ADGRA2: variants seen among roughly 807,000 people sequenced by gnomAD.
ADGRA2 encodes adhesion G protein-coupled receptor A2.
Under a neutral mutation model 98.7 loss-of-function variants are expected in ADGRA2, and 61 were observed. The ratio of observed to expected loss-of-function variants is 0.62; its 90% CI spans 0.50 to 0.76. The LOEUF (loss-of-function observed/expected upper bound fraction) is 0.76, where lower values mean the gene tolerates loss of function less well. ADGRA2 is among the 30% of genes least tolerant of loss of function. ADGRA2 has a pLI of 0.00. For synonymous variants in ADGRA2, 858 were observed against 831.5 expected, an observed-to-expected ratio of 1.03 and a Z score of -0.55; for missense variants, 1,712 against 1,860.0, an observed-to-expected ratio of 0.92 and a Z score of 1.46.
rs1053120252 is a variant in ADGRA2 at position 37,842,658 on chromosome 8, C to T, written c.*303C>T. On this transcript the variant is annotated 3_prime_UTR_variant, in exon 19 of 19. Transcript: ENST00000412232. ...GGGCACAGCACATCCCAGGTGCACC[C>T]TCCCCAAGTACTCCCACCCCGCCTA... 5.2e-5 allele frequency: 17 copies of T among 326,488 alleles called. No homozygotes were observed. The highest frequency in any genetic ancestry group is 2.1e-4 in the African/African-American group (10 of 46,768). 20.2% of individuals were successfully genotyped at this position (326,488 alleles called of 1,614,324 possible).
chr8:37,842,062 C>T lies in ADGRA2; in HGVS notation c.3724C>T (p.Leu1242=). ...CAGCCGCAACAGCCCGGGCGCCGGCCTGCAGCTGGAAGGCGAGCCCATGCT... is the reference window on the plus strand; with the variant it reads ...CAGCCGCAACAGCCCGGGCGCCGGCTTGCAGCTGGAAGGCGAGCCCATGCT... ...GSSRNSPGAG[L]QLEGEPMLTP... Residue 1242 remains leucine (L), a synonymous_variant, in exon 19 of 19, where the codon CTG becomes TTG. Coordinates refer to ENST00000412232, the MANE Select transcript of ADGRA2 (RefSeq NM_032777.10). 3.3e-6 allele frequency: 5 copies of T among 1,517,678 alleles called. No homozygotes were observed. The highest frequency in any genetic ancestry group is 4.4e-6 in the Non-Finnish European group (5 of 1,140,198). The allele number at this position is 1,517,678 out of a possible 1,614,324, so 94.0% of individuals were successfully genotyped here.
At position 37,841,986 on chromosome 8, in the gene ADGRA2, C is replaced by T. The variant is rs1805815297; in HGVS notation, c.3648C>T (p.Ser1216=). ...GGAAGALELL[S]SESGSLHNSP... is the part of the protein sequence containing the mutation. ...CGGCGGGGGCGCTGGAGCTGCTGTC[C>T]AGCGAGAGCGGCAGTCTGCACAACA... Residue 1216 remains serine, a synonymous_variant, in exon 19 of 19, where the codon TCC becomes TCT. Coordinates refer to ENST00000412232, the MANE Select transcript of ADGRA2 (RefSeq NM_032777.10). The surrounding 1 kb of genome is among the most constrained non-coding windows in gnomAD (Gnocchi z 5.0). 1 of 1,507,970 alleles carries T rather than the reference C, an allele frequency of 6.6e-7. No individual in the cohort carries two copies. The highest frequency in any genetic ancestry group is 8.8e-7 in the Non-Finnish European group (1 of 1,136,294). The allele number at this position is 1,507,970 out of a possible 1,614,324, so 93.4% of individuals were successfully genotyped here. A position where few individuals can be genotyped will look rare whatever the true frequency, so the allele number is the denominator to read the frequency against.
Position 37,837,787 on chromosome 8 carries a change from G to A in ADGRA2, c.2107G>A (p.Ala703Thr), listed in dbSNP as rs774187173. The A allele has an allele frequency of 1.3e-6, 2 of 1,550,264 alleles. No homozygotes were observed. Among genetic ancestry groups the A allele is most frequent in the East Asian group, 2.4e-5 (1 of 41,066 alleles). Residue 703 changes from alanine (A) to threonine (T), a missense_variant, in exon 14 of 19, where the codon GCT becomes ACT. Physicochemically the swap from Ala to Thr is moderately conservative, Grantham distance 58. Coordinates refer to ENST00000412232, the MANE Select transcript of ADGRA2 (RefSeq NM_032777.10). ...AGTGGCCGTTTCGCTGCGGCACTGG[G>A]CTGAGGGAGCCGAACCTGTGGCCGC... is the stretch of plus-strand genomic sequence containing the variant. ...EPVAVSLRHWAEGAEPVAAWW... is the reference protein window; with the variant it reads ...EPVAVSLRHWTEGAEPVAAWW...
At chr8:37,816,591 CAA>C (rs201208443) in intron 2 of ADGRA2, among the ~76,000 whole-genome samples, 8 of 132,060 alleles carry the variant, frequency 6.1e-5, no homozygotes, top group Admixed American at 4.6e-4. Flanking sequence ...GACTCCGTCT[CAA>C]ACACACACAC....
intron 1 of ADGRA2, among the ~76,000 whole-genome samples, chr8:37,805,837 C>G (rs898859973): frequency 6.6e-6 from 1 of 152,120 alleles, no homozygotes; most frequent in Non-Finnish European, 1.5e-5. Flanking sequence ...CCACTGCACT[C>G]TAGCCTGGGC....
At chr8:37,810,138 C>T (rs1282548672) in intron 1 of ADGRA2, among the ~76,000 whole-genome samples, 1 of 151,898 alleles carries the variant, frequency 6.6e-6, no homozygotes, top group Non-Finnish European at 1.5e-5. Flanking sequence ...ATAAAAATAA[C>T]ATTTTGGATA....
At position 37,802,281 on chromosome 8, in the gene ADGRA2, G is replaced by A. The variant is rs1170829079; in HGVS notation, c.266+4747G>A. Among the ~76,000 whole-genome samples, 1 of 152,126 alleles carries A rather than the reference G, an allele frequency of 6.6e-6. No individual in the cohort carries two copies. Among genetic ancestry groups the A allele is most frequent in the Non-Finnish European group, 1.5e-5 (1 of 68,020 alleles). ...CCAAGCGTCGTGCACATGGCCCGAG[G>A]GCAGGACAAGGATGCTGGTGGAGGG... On this transcript the variant is annotated intron_variant, in intron 1 of 18. Coordinates refer to ENST00000412232, the MANE Select transcript of ADGRA2 (RefSeq NM_032777.10). This position sits in a 1 kb window ranked among gnomAD's most constrained non-coding sequence, Gnocchi z 4.7.
In ADGRA2 at chr8:37,842,521, G is replaced by A. The variant is rs535050383; in HGVS notation, c.*166G>A. On this transcript the variant is annotated 3_prime_UTR_variant, in exon 19 of 19. Transcript: ENST00000412232. Reference sequence around the variant, plus strand: ...CCACTTGCCTAGAGGGCATCCCTCTGGGGTAGCGACAGACAATCCCAGAAA... The same window carrying A: ...CCACTTGCCTAGAGGGCATCCCTCTAGGGTAGCGACAGACAATCCCAGAAA... 7.6e-5 allele frequency: 89 copies of A among 1,163,750 alleles called. No individual in the cohort carries two copies. In the African/African-American group the frequency reaches 9.9e-4, roughly 13 times the overall value. 72.1% of individuals were successfully genotyped at this position (1,163,750 alleles called of 1,614,324 possible). A position where few individuals can be genotyped will look rare whatever the true frequency, so the allele number is the denominator to read the frequency against.
intron 2 of ADGRA2, among the ~76,000 whole-genome samples, chr8:37,826,741 C>G: frequency 6.6e-6 from 1 of 152,324 alleles, no homozygotes; most frequent in Admixed American, 6.5e-5. Flanking sequence ...CAGCGGGCAG[C>G]CGGCTTGGTT....
chr8:37,797,771 C>G lies in ADGRA2; in HGVS notation c.266+237C>G, dbSNP rs1804378881. Reference sequence around the variant, plus strand: ...ACAGGCGCACCCCAGAGAAAGGCACCGCAGGCGCCCACTCACCTGCACAGG... The same window carrying G: ...ACAGGCGCACCCCAGAGAAAGGCACGGCAGGCGCCCACTCACCTGCACAGG... On this transcript the variant is annotated intron_variant, in intron 1 of 18. Transcript: ENST00000412232. The surrounding 1 kb of genome is among the most constrained non-coding windows in gnomAD (Gnocchi z 5.3). Among the ~76,000 whole-genome samples the G allele has an allele frequency of 6.6e-6, 1 of 152,196 alleles. No individual in the cohort carries two copies.
At position 37,840,203 on chromosome 8, in the gene ADGRA2, C is replaced by A; in HGVS notation, c.2594C>A (p.Thr865Asn). The change falls in exon 17 of 19, where the codon ACC becomes AAC. Residue 865 changes from threonine to asparagine, a missense_variant. Physicochemically the swap from Thr to Asn is moderately conservative, Grantham distance 65. Coordinates refer to ENST00000412232, the MANE Select transcript of ADGRA2 (RefSeq NM_032777.10). ...GCGCGAGTGCTCCATAAGGAGCTCA[C>A]CTGGAGGGCACCCCCTCCGCAAGAA... Reference protein sequence around the residue: ...VKARVLHKELTWRAPPPQEGD... With the variant: ...VKARVLHKELNWRAPPPQEGD... 1 of 1,612,778 alleles carries A rather than the reference C, an allele frequency of 6.2e-7. No homozygotes were observed. Among genetic ancestry groups the A allele is most frequent in the Non-Finnish European group, 8.5e-7 (1 of 1,179,888 alleles).
rs562800512 is a variant in ADGRA2 at position 37,810,999 on chromosome 8, G to A, written c.267-3897G>A. On this transcript the variant is annotated intron_variant, in intron 1 of 18. Coordinates refer to ENST00000412232, the MANE Select transcript of ADGRA2 (RefSeq NM_032777.10). ...TAGGGTGGCGGGTGCCTGTAGTCCCGGCTACTCAAAAGGCTGAGGCAGGAG... is the reference window on the plus strand; with the variant it reads ...TAGGGTGGCGGGTGCCTGTAGTCCCAGCTACTCAAAAGGCTGAGGCAGGAG... Among the ~76,000 whole-genome samples the A allele has an allele frequency of 1.1e-3, 161 of 151,316 alleles. 2 individuals are homozygous for A. The highest frequency in any genetic ancestry group is 3.7e-3 in the African/African-American group (154 of 41,332).
At chr8:37,816,593 A>AAAACAC (rs1370952985) in intron 2 of ADGRA2, among the ~76,000 whole-genome samples, 84 of 131,390 alleles carry the variant, frequency 6.4e-4, no homozygotes, top group African/African-American at 2.4e-3. Context: ...CTCCGTCTCA[A>AAAACAC]ACACACACAC....
At position 37,802,979 on chromosome 8, in the gene ADGRA2, G is replaced by T. The variant is rs1234141956; in HGVS notation, c.266+5445G>T. Among the ~76,000 whole-genome samples the T allele has an allele frequency of 6.6e-6, 1 of 152,136 alleles. No individual in the cohort carries two copies. Among genetic ancestry groups the T allele is most frequent in the Non-Finnish European group, 1.5e-5 (1 of 68,020 alleles). On this transcript the variant is annotated intron_variant, in intron 1 of 18. Coordinates refer to ENST00000412232, the MANE Select transcript of ADGRA2 (RefSeq NM_032777.10). The surrounding 1 kb of genome is among the most constrained non-coding windows in gnomAD (Gnocchi z 4.7). Reference sequence around the variant, plus strand: ...GAACCCAACCACTCCTGAAGCCACCGAAGTCCCTGCCTGCTGGCTACCACG... The same window carrying T: ...GAACCCAACCACTCCTGAAGCCACCTAAGTCCCTGCCTGCTGGCTACCACG...
Position 37,835,272 on chromosome 8 carries a change from G to A in ADGRA2, c.1707G>A (p.Pro569=), listed in dbSNP as rs200173310. The part of the protein sequence containing the change: ...TAFQRREGGV[P]GTRPGSPGQN... ...TCCAGAGGAGGGAGGGAGGGGTGCC[G>A]GGCACACGGCCAGGAAGCCCTGGCC... Residue 569 remains proline, a synonymous_variant, in exon 12 of 19, where the codon CCG becomes CCA. Transcript: ENST00000412232. 4.1e-5 allele frequency: 66 copies of A among 1,613,764 alleles called. No homozygotes were observed. The East Asian group carries it at 1.0e-3, about 26-fold the overall frequency.
chr8:37,809,477 T>C (rs1804765866), intron 1 of ADGRA2, among the ~76,000 whole-genome samples: 1 of 152,074 alleles, frequency 6.6e-6, no homozygotes, highest in South Asian at 2.1e-4. Flanking sequence ...CCTCTCCAGG[T>C]TGTTAAGGCC....
chr8:37,797,571 G>C lies in ADGRA2; in HGVS notation c.266+37G>C. The C allele has an allele frequency of 7.5e-7, 1 of 1,326,522 alleles. No individual in the cohort carries two copies. Among genetic ancestry groups the C allele is most frequent in the Non-Finnish European group, 9.7e-7 (1 of 1,030,772 alleles). 82.2% of individuals were successfully genotyped at this position (1,326,522 alleles called of 1,614,324 possible). A position where few individuals can be genotyped will look rare whatever the true frequency, so the allele number is the denominator to read the frequency against. On this transcript the variant is annotated intron_variant, in intron 1 of 18. Coordinates refer to ENST00000412232, the MANE Select transcript of ADGRA2 (RefSeq NM_032777.10). This position sits in a 1 kb window ranked among gnomAD's most constrained non-coding sequence, Gnocchi z 5.3. The stretch of plus-strand genomic sequence containing the variant: ...ACCAGGCCAGTTCCGTCCGAGCCGG[G>C]ACTGGGGACGAAGGGAGGCGAGACG...
intron 5 of ADGRA2, 72 bp from the exon 6 acceptor site, chr8:37,829,779 C>G: frequency 1.3e-6 from 2 of 1,498,402 alleles, no homozygotes; most frequent in South Asian, 1.2e-5. Flanking sequence ...TCATCCCTCC[C>G]TGGGGCCCCA....
At position 37,829,869 on chromosome 8, in the gene ADGRA2, C is replaced by T; in HGVS notation, c.573C>T (p.Phe191=). 3 of 1,612,550 alleles carry T rather than the reference C, an allele frequency of 1.9e-6. No individual in the cohort carries two copies. Among genetic ancestry groups the T allele is most frequent in the Middle Eastern group, 3.4e-4 (2 of 5,894 alleles). The stretch of plus-strand genomic sequence containing the variant: ...CCTGCAGGGACTTGGGCACCGAGTT[C>T]CTGACCTGTGACTGCCACCTGCGCT... The part of the protein sequence containing the change: ...ALKVVDLGTE[F]LTCDCHLRWL... The change falls in exon 6 of 19, where the codon TTC becomes TTT. Residue 191 remains phenylalanine, a synonymous_variant. Transcript: ENST00000412232.
Sources: allele counts gnomAD v4.1 joint callset (sites outside exome capture counted in the v4.1 genomes callset), GRCh38; gene constraint gnomAD v4.1.1; non-coding constraint Gnocchi (gnomAD v3.1); transcripts MANE v1.5; gene names NCBI Gene and HGNC (gene_info 2026-07-23, HGNC 2026-07-21).